Variants in CADPS observed in about 807,000 individuals in gnomAD.
CADPS encodes calcium dependent secretion activator.
Under a neutral mutation model 167.3 loss-of-function variants are expected in CADPS, and 57 were observed. The ratio of observed to expected loss-of-function variants is 0.34; its 90% CI spans 0.28 to 0.42. The LOEUF is 0.42. CADPS is among the 20% of genes least tolerant of loss of function. The probability of loss-of-function intolerance (pLI) is 1.00; values close to 1 mark genes in which losing one functional copy is unlikely to be tolerated. For missense variants in CADPS, 1,414 were observed against 1,738.1 expected, an observed-to-expected ratio of 0.81 and a Z score of 3.32; for synonymous variants, 676 against 635.3, an observed-to-expected ratio of 1.06 and a Z score of -0.96.
At chr3:62,452,205 G>T (rs1023599850) in intron 26 of CADPS, among the ~76,000 whole-genome samples, 12 of 152,172 alleles carry the variant, frequency 7.9e-5, no homozygotes, top group Non-Finnish European at 5.9e-5. Context: ...AAAAGGCATA[G>T]TCCCTGGGCA....
intron 3 of CADPS, among the ~76,000 whole-genome samples, chr3:62,666,872 G>T (rs1044791011): frequency 6.6e-6 from 1 of 152,128 alleles, no homozygotes; most frequent in African/African-American, 2.4e-5. Flanking sequence ...TAGCAGGGTG[G>T]AGTTGCACCC....
chr3:62,657,485 T>A (rs1029067519), intron 4 of CADPS, among the ~76,000 whole-genome samples: 3 of 152,214 alleles, frequency 2.0e-5, no homozygotes, highest in Admixed American at 2.0e-4. Flanking sequence ...AAATGTCAAC[T>A]TTTGATCACA....
chr3:62,692,968 T>C (rs80315808), intron 3 of CADPS, among the ~76,000 whole-genome samples: 9,676 of 152,036 alleles, frequency 0.064, 362 homozygotes, highest in South Asian at 0.093. Flanking sequence ...CTCGCTAATA[T>C]CACCTCTCAT....
chr3:62,521,392 A>G (rs545535762), intron 13 of CADPS, among the ~76,000 whole-genome samples: 80 of 152,318 alleles, frequency 5.3e-4, no homozygotes, highest in Non-Finnish European at 9.8e-4. Context: ...TGTATTGTTT[A>G]CAAGGTGCCA....
At chr3:62,655,618 C>T (rs1436923651) in intron 4 of CADPS, among the ~76,000 whole-genome samples, 1 of 151,908 alleles carries the variant, frequency 6.6e-6, no homozygotes, top group Non-Finnish European at 1.5e-5. Context: ...GGATTTTTAC[C>T]CAGAGAGGAT....
chr3:62,655,704 G>A (rs866705662), intron 4 of CADPS, among the ~76,000 whole-genome samples: 1 of 152,140 alleles, frequency 6.6e-6, no homozygotes, highest in South Asian at 2.1e-4. Flanking sequence ...AGACTCAAAT[G>A]ACAAAGTTGG....
chr3:62,626,689 C>A, intron 6 of CADPS: 4 of 594,172 alleles, frequency 6.7e-6, no homozygotes, highest in South Asian at 4.1e-5. Flanking sequence ...GGAACAGAAT[C>A]AATCTAGAAT....
chr3:62,682,895 T>C (rs900443550), intron 3 of CADPS, among the ~76,000 whole-genome samples: 2 of 152,080 alleles, frequency 1.3e-5, no homozygotes, highest in African/African-American at 4.8e-5. Context: ...CTGCAAAGGA[T>C]GAAAACAAGA....
rs547833347 is a variant in CADPS at position 62,621,696 on chromosome 3, G to A, written c.1325+24026C>T. ...GTTTATTTCATCACCCAGATATTAA[G>A]CCTAGTACCCTTTAGTTATTTTTTC... On this transcript the variant is annotated intron_variant, in intron 6 of 29. Transcript: ENST00000383710. 9.9e-5 allele frequency among the ~76,000 whole-genome samples: 15 copies of A among 151,916 alleles called. No homozygotes were observed. In the South Asian group the frequency reaches 3.1e-3, roughly 32 times the overall value.
At chr3:62,859,965 G>A (rs768399226) in intron 1 of CADPS, among the ~76,000 whole-genome samples, 7 of 152,080 alleles carry the variant, frequency 4.6e-5, no homozygotes, top group African/African-American at 9.7e-5. Context: ...TATTTCCACT[G>A]GAGCTACTCA....
At chr3:62,460,185 T>C (rs1366560193) in intron 26 of CADPS, among the ~76,000 whole-genome samples, 1 of 152,202 alleles carries the variant, frequency 6.6e-6, no homozygotes, top group African/African-American at 2.4e-5. Context: ...ATCAGTTGCA[T>C]AGACTGATTG....
intron 28 of CADPS, among the ~76,000 whole-genome samples, chr3:62,422,244 C>T (rs2051578982): frequency 1.3e-5 from 2 of 152,174 alleles, no homozygotes; most frequent in Non-Finnish European, 2.9e-5. Context: ...GAGTGAGCTT[C>T]ATTAAACGGT....
intron 26 of CADPS, among the ~76,000 whole-genome samples, chr3:62,452,553 AT>A (rs200878554): frequency 0.02 from 3,068 of 152,294 alleles, 39 homozygotes; most frequent in South Asian, 0.066. Context: ...TGAATTAAGA[AT>A]TTCTATGTTA....
chr3:62,777,289 A>G (rs1414420699), intron 1 of CADPS, among the ~76,000 whole-genome samples: 2 of 152,236 alleles, frequency 1.3e-5, no homozygotes, highest in Non-Finnish European at 2.9e-5. Flanking sequence ...TGTGACCATG[A>G]GCTTCACTGA....
chr3:62,717,794 G>C (rs1320092736), intron 3 of CADPS, among the ~76,000 whole-genome samples: 2 of 152,114 alleles, frequency 1.3e-5, no homozygotes, highest in Non-Finnish European at 2.9e-5. Flanking sequence ...ATTCACCAAT[G>C]GTGTCCTGTT....
At chr3:62,460,637 C>T (rs2059226508) in intron 26 of CADPS, among the ~76,000 whole-genome samples, 1 of 152,180 alleles carries the variant, frequency 6.6e-6, no homozygotes, top group Admixed American at 6.5e-5. Flanking sequence ...AGGTGGCATT[C>T]TCGTTCTAAG....
chr3:62,525,932 C>A (rs1417176246), intron 13 of CADPS, among the ~76,000 whole-genome samples: 1 of 151,946 alleles, frequency 6.6e-6, no homozygotes. Flanking sequence ...AAGATAGAGA[C>A]CTAAACTATG....
At chr3:62,832,026 C>T (rs753254003) in intron 1 of CADPS, among the ~76,000 whole-genome samples, 8 of 152,310 alleles carry the variant, frequency 5.3e-5, no homozygotes, top group Non-Finnish European at 7.4e-5. Context: ...AATTATGTAT[C>T]TGTCTCTTTC....
chr3:62,819,395 A>G (rs2094783208), intron 1 of CADPS, among the ~76,000 whole-genome samples: 2 of 143,250 alleles, frequency 1.4e-5, no homozygotes, highest in African/African-American at 2.7e-5. Context: ...TAAAGCAATG[A>G]CAATCTGTGT....
Sources: allele counts gnomAD v4.1 joint callset (sites outside exome capture counted in the v4.1 genomes callset), GRCh38; gene constraint gnomAD v4.1.1; transcripts MANE v1.5; gene names NCBI Gene and HGNC (gene_info 2026-07-23, HGNC 2026-07-21).